HACD2: variants seen among roughly 807,000 people sequenced by gnomAD.
HACD2 encodes the protein 3-hydroxyacyl-CoA dehydratase 2.
In HACD2, 15 loss-of-function variants were observed where a neutral mutation model predicts 31.0. The observed-to-expected ratio is 0.48, with a 90% CI of 0.32 to 0.75. HACD2 has a LOEUF of 0.75. Ranked by LOEUF, HACD2 falls within the 30% of genes least tolerant of loss-of-function variation. HACD2 has a pLI of 0.03. For synonymous variants in HACD2, 115 were observed against 122.2 expected, an observed-to-expected ratio of 0.94 and a Z score of 0.39; for missense variants, 283 against 313.0, an observed-to-expected ratio of 0.90 and a Z score of 0.72.
At chr3:123,548,382 T>A (rs2056583286) in intron 3 of HACD2, among the ~76,000 whole-genome samples, 1 of 152,008 alleles carries the variant, frequency 6.6e-6, no homozygotes, top group South Asian at 2.1e-4. Flanking sequence ...ATCCCCCAGT[T>A]CCAGTCCAGT....
At chr3:123,507,156 G>A (rs1455670131) in intron 4 of HACD2, among the ~76,000 whole-genome samples, 1 of 152,184 alleles carries the variant, frequency 6.6e-6, no homozygotes, top group Non-Finnish European at 1.5e-5. Flanking sequence ...CTTGGGAGGT[G>A]AGGTGGAAGG....
chr3:123,536,229 G>T (rs1422608829), intron 3 of HACD2, among the ~76,000 whole-genome samples: 1 of 152,082 alleles, frequency 6.6e-6, no homozygotes, highest in East Asian at 1.9e-4. Flanking sequence ...TGTCCTCAGG[G>T]TGTAGAAAAA....
Position 123,550,884 on chromosome 3 carries a change from T to C in HACD2, c.292+16878A>G, listed in dbSNP as rs531772149. Among the ~76,000 whole-genome samples, 8 of 152,186 alleles carry C rather than the reference T, an allele frequency of 5.3e-5. No homozygotes were observed. The South Asian group carries it at 1.2e-3, about 24-fold the overall frequency. ...GAGAAAGGTTATGGGCCAGAGCACA[T>C]GGAGCACCATTTGCAGGATGCAGGG... On this transcript the variant is annotated intron_variant, in intron 3 of 6. Transcript: ENST00000383657.
chr3:123,572,639 T>G (rs1301040276), intron 2 of HACD2, among the ~76,000 whole-genome samples: 1 of 152,256 alleles, frequency 6.6e-6, no homozygotes, highest in Non-Finnish European at 1.5e-5. Flanking sequence ...CACAATAAAT[T>G]ACTTGGAAAC....
At chr3:123,505,575 G>C (rs2107684444) in intron 4 of HACD2, among the ~76,000 whole-genome samples, 1 of 152,254 alleles carries the variant, frequency 6.6e-6, no homozygotes, top group African/African-American at 2.4e-5. Flanking sequence ...GGAGTTTTTG[G>C]TGAACCATAA....
intron 4 of HACD2, among the ~76,000 whole-genome samples, chr3:123,521,908 G>T (rs975401343): frequency 2.1e-4 from 31 of 144,692 alleles, no homozygotes; most frequent in African/African-American, 7.6e-4. Flanking sequence ...ATCATCATCA[G>T]GGGATATTAC....
At chr3:123,578,860 T>TA (rs1353071291) in intron 2 of HACD2, among the ~76,000 whole-genome samples, 4 of 152,178 alleles carry the variant, frequency 2.6e-5, no homozygotes, top group African/African-American at 9.7e-5. Flanking sequence ...TATGTGTAAT[T>TA]AAACAATACC....
At chr3:123,576,231 C>T (rs1008159265) in intron 2 of HACD2, among the ~76,000 whole-genome samples, 5 of 146,474 alleles carry the variant, frequency 3.4e-5, no homozygotes, top group Non-Finnish European at 7.4e-5. Context: ...TATATTGCCA[C>T]CATTGATATT....
intron 3 of HACD2, among the ~76,000 whole-genome samples, chr3:123,542,246 T>G (rs1282273411): frequency 6.8e-6 from 1 of 146,964 alleles, no homozygotes; most frequent in African/African-American, 2.5e-5. Context: ...AAATAGACAA[T>G]TCACACAAAA....
At chr3:123,530,496 A>G (rs1035947711) in intron 3 of HACD2, among the ~76,000 whole-genome samples, 47 of 151,098 alleles carry the variant, frequency 3.1e-4, no homozygotes, top group African/African-American at 9.7e-4. Context: ...GCAACCTCCA[A>G]CTCCCTGGTT....
intron 2 of HACD2, among the ~76,000 whole-genome samples, chr3:123,569,988 CAAAAAAAAAAAAAAAAAAAAAAAA>C (rs55844728): frequency 0.023 from 901 of 38,704 alleles, 18 homozygotes; most frequent in Non-Finnish European, 0.037. Flanking sequence ...CACTCCATCT[CAAAAAAAAAAAAAAAAAAAAAAAA>C]AAAAAAAAAA....
intron 3 of HACD2, among the ~76,000 whole-genome samples, chr3:123,557,653 A>C (rs1441397840): frequency 6.6e-6 from 1 of 152,102 alleles, no homozygotes. Flanking sequence ...ATAAACAACA[A>C]AAAACACCTC....
chr3:123,513,347 G>C (rs1356139778), intron 4 of HACD2, among the ~76,000 whole-genome samples: 1 of 152,230 alleles, frequency 6.6e-6, no homozygotes, highest in Non-Finnish European at 1.5e-5. Context: ...ACAGGCAGGA[G>C]TCATTCCCAC....
chr3:123,534,497 A>G (rs1056331238), intron 3 of HACD2, among the ~76,000 whole-genome samples: 5 of 152,160 alleles, frequency 3.3e-5, no homozygotes, highest in Non-Finnish European at 7.3e-5. Context: ...AAAGTCATAT[A>G]AAATATAGCA....
chr3:123,552,450 C>T (rs905079713), intron 3 of HACD2, among the ~76,000 whole-genome samples: 10 of 152,206 alleles, frequency 6.6e-5, no homozygotes, highest in Non-Finnish European at 1.0e-4. Context: ...TACTTCACTG[C>T]ATTTAAGCAT....
At chr3:123,510,422 A>G (rs2056043336) in intron 4 of HACD2, among the ~76,000 whole-genome samples, 1 of 152,086 alleles carries the variant, frequency 6.6e-6, no homozygotes, top group African/African-American at 2.4e-5. Flanking sequence ...TAATTTTTAT[A>G]TTTTTAGTGG....
intron 6 of HACD2, among the ~76,000 whole-genome samples, chr3:123,498,402 A>G (rs6794826): frequency 0.78 from 118,577 of 152,144 alleles, 48,181 homozygotes; most frequent in Non-Finnish European, 0.89. Context: ...GTCCTTCCCT[A>G]CTCTCTGAAA....
At chr3:123,512,575 G>GTGA (rs1464267262) in intron 4 of HACD2, among the ~76,000 whole-genome samples, 3 of 152,202 alleles carry the variant, frequency 2.0e-5, no homozygotes, top group Non-Finnish European at 4.4e-5. Flanking sequence ...AGAGACAGAG[G>GTGA]TGACAGGTGG....
intron 4 of HACD2, among the ~76,000 whole-genome samples, chr3:123,522,680 T>G (rs1259016924): frequency 6.7e-6 from 1 of 149,108 alleles, no homozygotes; most frequent in Non-Finnish European, 1.5e-5. Flanking sequence ...TTTTTTTACC[T>G]TTAAGAGAGG....
Sources: gnomAD v4.1 joint callset for allele counts (sites outside exome capture counted in the v4.1 genomes callset) on GRCh38, gnomAD v4.1.1 for gene constraint, MANE v1.5 for transcripts, NCBI Gene and HGNC (gene_info 2026-07-23, HGNC 2026-07-21) for gene names.